Variants in AFAP1L2 observed in about 807,000 individuals in gnomAD.
AFAP1L2 encodes the protein actin filament associated protein 1 like 2.
A neutral mutation model predicts 99.3 loss-of-function variants in AFAP1L2; 46 were observed. The observed-to-expected ratio is 0.46, with a 90% CI of 0.37 to 0.59. The LOEUF is 0.59. Among genes scored for constraint, AFAP1L2 ranks in the 20% least tolerant of loss-of-function variants. The pLI is 0.00. For synonymous variants in AFAP1L2, 397 were observed against 419.1 expected, an observed-to-expected ratio of 0.95 and a Z score of 0.64; for missense variants, 959 against 1,034.9, an observed-to-expected ratio of 0.93 and a Z score of 1.01.
chr10:114,325,400 C>T (rs891227881), intron 4 of AFAP1L2, among the ~76,000 whole-genome samples: 1 of 152,148 alleles, frequency 6.6e-6, no homozygotes, highest in Admixed American at 6.5e-5. Context: ...TCGACCCTGT[C>T]GGGGCATCGC....
At chr10:114,404,297 C>T (rs2058518192) in intron 1 of AFAP1L2, 143 bp downstream of exon 1, 1 of 997,010 alleles carries the variant, frequency 1.0e-6, no homozygotes, top group Admixed American at 2.1e-5. Flanking sequence ...GCTGTCGCCC[C>T]CTCTTAGGCC....
intron 12 of AFAP1L2, chr10:114,301,701 C>T (rs1450632650): frequency 5.4e-6 from 3 of 551,254 alleles, no homozygotes; most frequent in South Asian, 2.2e-5. Context: ...GCTTCCCTTG[C>T]CCATACGCCT....
intron 10 of AFAP1L2, among the ~76,000 whole-genome samples, chr10:114,305,439 A>G (rs1466896615): frequency 1.0e-4 from 5 of 49,870 alleles, no homozygotes; most frequent in African/African-American, 1.8e-4. Flanking sequence ...GAGGGGACGC[A>G]GATGCAGGAG....
At chr10:114,370,554 GT>G (rs1220346468) in intron 1 of AFAP1L2, among the ~76,000 whole-genome samples, 2 of 152,346 alleles carry the variant, frequency 1.3e-5, no homozygotes, top group East Asian at 3.9e-4. Flanking sequence ...ATCCACTAGG[GT>G]AGCTAAATCC....
intron 4 of AFAP1L2, among the ~76,000 whole-genome samples, chr10:114,324,408 C>G (rs886801844): frequency 1.2e-4 from 17 of 145,922 alleles, no homozygotes; most frequent in African/African-American, 3.0e-4. Flanking sequence ...CCCCCCCCCC[C>G]CCCCGGCTAA....
chr10:114,405,073 G>C (rs966783948), upstream of AFAP1L2, among the ~76,000 whole-genome samples: 3 of 152,204 alleles, frequency 2.0e-5, no homozygotes, highest in African/African-American at 7.2e-5. Context: ...CACTCTCTTG[G>C]AACCTCTCTG....
intron 1 of AFAP1L2, among the ~76,000 whole-genome samples, chr10:114,367,666 G>T (rs2053481820): frequency 6.6e-6 from 1 of 152,164 alleles, no homozygotes; most frequent in Non-Finnish European, 1.5e-5. Context: ...AGGAATGAAG[G>T]CTCTGCTTGA....
intron 1 of AFAP1L2, among the ~76,000 whole-genome samples, chr10:114,369,647 A>C (rs1393232475): frequency 6.6e-6 from 1 of 151,932 alleles, no homozygotes; most frequent in African/African-American, 2.4e-5. Context: ...ATACATACGA[A>C]GTAGAGAATA....
chr10:114,343,860 G>C (rs540352507), intron 1 of AFAP1L2, among the ~76,000 whole-genome samples: 5 of 152,290 alleles, frequency 3.3e-5, no homozygotes, highest in Non-Finnish European at 7.4e-5. Flanking sequence ...GCCAAGAGCC[G>C]CACTGCCAGC....
At chr10:114,397,262 C>T (rs531066076) in intron 1 of AFAP1L2, among the ~76,000 whole-genome samples, 1 of 152,324 alleles carries the variant, frequency 6.6e-6, no homozygotes, top group South Asian at 2.1e-4. Flanking sequence ...CTCACGCCTT[C>T]CCCCAGTCCC....
At chr10:114,311,304 C>G (rs758213) in intron 7 of AFAP1L2, among the ~76,000 whole-genome samples, 1 of 152,018 alleles carries the variant, frequency 6.6e-6, no homozygotes, top group African/African-American at 2.4e-5. Flanking sequence ...ACTCCCAGGG[C>G]GACCAGAAAC....
chr10:114,355,432 C>T (rs1290861221), intron 1 of AFAP1L2, among the ~76,000 whole-genome samples: 1 of 151,948 alleles, frequency 6.6e-6, no homozygotes, highest in African/African-American at 2.4e-5. Flanking sequence ...TGCTCACATC[C>T]CTGTGCGACT....
chr10:114,336,246 A>T (rs1434867312), intron 2 of AFAP1L2, among the ~76,000 whole-genome samples: 2 of 152,214 alleles, frequency 1.3e-5, no homozygotes, highest in African/African-American at 4.8e-5. Context: ...TGTGGGAAAA[A>T]TACAGTAAAC....
At chr10:114,289,678 A>G in the AFAP1L2 span, 7 of 639,038 alleles carry the variant, frequency 1.1e-5, no homozygotes, top group Middle Eastern at 1.3e-3. Context: ...CCTATTTGAC[A>G]TTTAAGGTAC....
intron 1 of AFAP1L2, among the ~76,000 whole-genome samples, chr10:114,382,187 A>G (rs1168395890): frequency 6.6e-6 from 1 of 152,202 alleles, no homozygotes; most frequent in Non-Finnish European, 1.5e-5. Flanking sequence ...GATATTTTTT[A>G]TGTGTCTGAA....
Position 114,302,440 on chromosome 10 carries a change from G to C in AFAP1L2, c.1329C>G (p.Leu443=), listed in dbSNP as rs1187328471. The C allele has an allele frequency of 1.2e-6, 2 of 1,614,046 alleles. No individual in the cohort carries two copies. The highest frequency in any genetic ancestry group is 1.7e-6 in the Non-Finnish European group (2 of 1,180,038). Residue 443 remains leucine, a synonymous_variant, in exon 12 of 19, where the codon CTC becomes CTG. Transcript: ENST00000304129. ...EEMGHWLGLL[L]SESGSKTDPE... is the part of the protein sequence containing the mutation. ...GGTCTGTCTTGGAGCCTGACTCAGAGAGCAGGAGACCCAGCCAGTGGCCCA... is the reference window on the plus strand; with the variant it reads ...GGTCTGTCTTGGAGCCTGACTCAGACAGCAGGAGACCCAGCCAGTGGCCCA...
At chr10:114,403,822 G>C (rs1046345820) in intron 1 of AFAP1L2, among the ~76,000 whole-genome samples, 4 of 152,180 alleles carry the variant, frequency 2.6e-5, no homozygotes, top group African/African-American at 7.2e-5. Context: ...TCCACCTGCC[G>C]GGCACTCCAT....
At chr10:114,386,907 A>G (rs2056572694) in intron 1 of AFAP1L2, among the ~76,000 whole-genome samples, 1 of 152,234 alleles carries the variant, frequency 6.6e-6, no homozygotes, top group Non-Finnish European at 1.5e-5. Context: ...GCACCCTGGC[A>G]TGGAAGGGTC....
intron 8 of AFAP1L2, among the ~76,000 whole-genome samples, chr10:114,309,230 G>A (rs766553691): frequency 2.6e-5 from 4 of 152,230 alleles, no homozygotes; most frequent in Non-Finnish European, 5.9e-5. Flanking sequence ...ACTGCATGCC[G>A]AGTCTTTGAA....
Sources: allele counts gnomAD v4.1 joint callset (sites outside exome capture counted in the v4.1 genomes callset), GRCh38; gene constraint gnomAD v4.1.1; transcripts MANE v1.5; gene names NCBI Gene and HGNC (gene_info 2026-07-23, HGNC 2026-07-21).